Variants in KIF26B observed in about 807,000 individuals in gnomAD.
KIF26B encodes the protein kinesin-like protein KIF26B.
A neutral mutation model predicts 151.2 loss-of-function variants in KIF26B; 63 were observed. The ratio of observed to expected loss-of-function variants is 0.42; its 90% CI spans 0.34 to 0.51. The LOEUF is 0.51. Ranked by LOEUF, KIF26B falls within the 20% of genes least tolerant of loss-of-function variation. The probability of loss-of-function intolerance (pLI) is 0.07; values close to 1 mark genes in which losing one functional copy is unlikely to be tolerated. For synonymous variants in KIF26B, 1,357 were observed against 1,262.1 expected (o/e 1.08, Z -1.59); for missense variants, 2,813 against 2,913.6 (o/e 0.97, Z 0.79).
chr1:245,687,543 G>A lies in KIF26B; in HGVS notation c.4560G>A (p.Leu1520=), dbSNP rs1209981339. 2 of 1,568,280 alleles carry A rather than the reference G, an allele frequency of 1.3e-6. No homozygotes were observed. Among genetic ancestry groups the A allele is most frequent in the Non-Finnish European group, 1.7e-6 (2 of 1,157,002 alleles). The part of the protein sequence containing the change: ...VDGCEMALPG[L]ATQSPVHPNK... ...GGTGTGAGATGGCCCTGCCCGGTTTGGCCACCCAGAGCCCCGTGCATCCCA... is the reference window on the plus strand; with the variant it reads ...GGTGTGAGATGGCCCTGCCCGGTTTAGCCACCCAGAGCCCCGTGCATCCCA... Residue 1520 remains leucine, a synonymous_variant, in exon 12 of 15, where the codon TTG becomes TTA. Transcript: ENST00000407071. The surrounding 1 kb of genome is among the most constrained non-coding windows in gnomAD (Gnocchi z 4.9).
At chr1:245,174,102 CA>C (rs952363804) in intron 2 of KIF26B, among the ~76,000 whole-genome samples, 2 of 152,034 alleles carry the variant, frequency 1.3e-5, no homozygotes, top group Admixed American at 1.3e-4. Context: ...CAGTAAACTC[CA>C]AAAAAATGAT....
At chr1:245,179,843 A>AGG (rs1668873300) in intron 2 of KIF26B, among the ~76,000 whole-genome samples, 2 of 152,212 alleles carry the variant, frequency 1.3e-5, no homozygotes, top group South Asian at 4.1e-4. Context: ...TTGGAGACAG[A>AGG]GGGTGGACAG....
At chr1:245,595,029 TCC>T (rs2043325697) in intron 5 of KIF26B, among the ~76,000 whole-genome samples, 1 of 152,248 alleles carries the variant, frequency 6.6e-6, no homozygotes, top group South Asian at 2.1e-4. Context: ...CCTGTGACTT[TCC>T]TGAATTTGCT....
chr1:245,231,081 A>C (rs1399815327), intron 2 of KIF26B, among the ~76,000 whole-genome samples: 1 of 152,202 alleles, frequency 6.6e-6, no homozygotes, highest in African/African-American at 2.4e-5. Context: ...AAGAGGAACG[A>C]AACCATTCAA....
intron 4 of KIF26B, among the ~76,000 whole-genome samples, chr1:245,500,471 T>C (rs1248550675): frequency 6.6e-6 from 1 of 152,236 alleles, no homozygotes; most frequent in African/African-American, 2.4e-5. Context: ...CATAACTCTA[T>C]ATAACCCAAA....
intron 8 of KIF26B, among the ~76,000 whole-genome samples, chr1:245,611,324 C>T (rs1003861329): frequency 6.6e-6 from 1 of 152,276 alleles, no homozygotes; most frequent in East Asian, 1.9e-4. Context: ...AGTTTTTTTA[C>T]ATCTTTGGGA....
chr1:245,695,111 G>A (rs114019313), intron 12 of KIF26B, among the ~76,000 whole-genome samples: 25 of 152,178 alleles, frequency 1.6e-4, no homozygotes, highest in East Asian at 1.9e-4. Context: ...GGCAGAGACC[G>A]GGCTTGGCAG....
intron 2 of KIF26B, chr1:245,216,443 G>A (rs926793096): frequency 6.7e-6 from 1 of 150,224 alleles, no homozygotes; most frequent in Admixed American, 6.6e-5. Context: ...AATTCAGATG[G>A]CAGAATATTA....
intron 2 of KIF26B, among the ~76,000 whole-genome samples, chr1:245,303,619 A>T (rs1671484626): frequency 6.6e-6 from 1 of 152,250 alleles, no homozygotes. Flanking sequence ...CATCTGGCTA[A>T]TTATTGCCTG....
In KIF26B at chr1:245,698,089, C is replaced by T. The variant is rs1177018877; in HGVS notation, c.5825-17C>T. ...AATTCAGAAAGACTAACTCTCTGGG[C>T]TTATCCCCCTCCTCAGGTTCTCAGA... On this transcript the variant is annotated splice_polypyrimidine_tract_variant and intron_variant, in intron 12 of 14. Transcript: ENST00000407071. This position sits in a 1 kb window ranked among gnomAD's most constrained non-coding sequence, Gnocchi z 4.0. The T allele has an allele frequency of 1.9e-6, 3 of 1,606,266 alleles. No individual in the cohort carries two copies. The highest frequency in any genetic ancestry group is 2.2e-5 in the East Asian group (1 of 44,700).
chr1:245,408,354 T>C (rs868653451), intron 3 of KIF26B, among the ~76,000 whole-genome samples: 17,601 of 137,360 alleles, frequency 0.13, 1,411 homozygotes, highest in African/African-American at 0.3. Flanking sequence ...TGATTCTTTT[T>C]TTTTTTTTTT....
Position 245,164,635 on chromosome 1 carries a change from TTGTA to T in KIF26B, c.465+7955_465+7958del, listed in dbSNP as rs1440854092. On this transcript the variant is annotated intron_variant, in intron 2 of 14. Transcript: ENST00000407071. ...CGCACATGGTCACCATACACAGTAT[TTGTA>T]TGAGTGCGTGACAGGCTGGAAAGGA... Among the ~76,000 whole-genome samples the T allele has an allele frequency of 5.3e-5, 8 of 152,110 alleles. No individual in the cohort carries two copies. The East Asian group carries it at 1.5e-3, about 29-fold the overall frequency.
chr1:245,521,350 A>AT (rs1661104019), intron 4 of KIF26B, among the ~76,000 whole-genome samples: 1 of 152,088 alleles, frequency 6.6e-6, no homozygotes, highest in Admixed American at 6.5e-5. Flanking sequence ...TAAAAAAAAA[A>AT]AAAAAGCAAT....
At chr1:245,557,893 G>A (rs912183454) in intron 5 of KIF26B, among the ~76,000 whole-genome samples, 11 of 152,148 alleles carry the variant, frequency 7.2e-5, no homozygotes, top group African/African-American at 2.4e-4. Flanking sequence ...GAACTGAGGG[G>A]GAATAGCAGC....
chr1:245,627,547 C>A (rs577087249), intron 9 of KIF26B, among the ~76,000 whole-genome samples: 94 of 152,052 alleles, frequency 6.2e-4, no homozygotes, highest in Middle Eastern at 3.4e-3. Flanking sequence ...GATCTCAGAT[C>A]GACACCTTAA....
chr1:245,679,449 T>TTTG (rs369356162), intron 10 of KIF26B, among the ~76,000 whole-genome samples: 81 of 102,508 alleles, frequency 7.9e-4, no homozygotes, highest in African/African-American at 2.2e-3. Context: ...TGTGTTTTTT[T>TTTG]TGTGTGTGTT....
rs768780287 is a variant in KIF26B, at chr1:245,366,839, T to G, written c.471T>G (p.Pro157=). ...LLPGPFPGKD[P]AFSAVIHDKL... ...TCTGCTTCTGTGTTCTGTAGGACCC[T>G]GCTTTCTCGGCTGTGATTCACGACA... Residue 157 remains proline (P), a synonymous_variant, in exon 3 of 15, where the codon CCT becomes CCG. Transcript: ENST00000407071. 6.2e-7 allele frequency: 1 copy of G among 1,613,860 alleles called. No homozygotes were observed. Among genetic ancestry groups the G allele is most frequent in the South Asian group, 1.1e-5 (1 of 91,076 alleles).
chr1:245,300,422 C>A (rs1317403333), intron 2 of KIF26B, among the ~76,000 whole-genome samples: 1 of 152,198 alleles, frequency 6.6e-6, no homozygotes, highest in Non-Finnish European at 1.5e-5. Context: ...CTCATTACTT[C>A]TACCTCTCCT....
At chr1:245,387,440 A>C (rs1673579023) in intron 3 of KIF26B, among the ~76,000 whole-genome samples, 1 of 152,204 alleles carries the variant, frequency 6.6e-6, no homozygotes, top group African/African-American at 2.4e-5. Context: ...CTGGGATTAC[A>C]GGCATTAGCC....
Sources: allele counts gnomAD v4.1 joint callset (sites outside exome capture counted in the v4.1 genomes callset), GRCh38; gene constraint gnomAD v4.1.1; non-coding constraint Gnocchi (gnomAD v3.1); transcripts MANE v1.5; gene names NCBI Gene and HGNC (gene_info 2026-07-23, HGNC 2026-07-21).